MAZ: variants seen among roughly 807,000 people sequenced by gnomAD.
MAZ encodes myc-associated zinc finger protein.
Under a neutral mutation model 32.7 loss-of-function variants are expected in MAZ, and 4 were observed. That is an observed-to-expected ratio of 0.12 (90% CI 0.06 to 0.28). MAZ has a LOEUF of 0.28. Ranked by LOEUF, MAZ falls within the 10% of genes least tolerant of loss-of-function variation. MAZ has a pLI of 1.00. For missense variants in MAZ, 763 were observed against 667.2 expected, an observed-to-expected ratio of 1.14 and a Z score of -1.58; for synonymous variants, 510 against 297.6, an observed-to-expected ratio of 1.71 and a Z score of -7.35.
chr16:29,809,631 C>T (rs1033851903), intron 4 of MAZ: 2 of 1,608,428 alleles, frequency 1.2e-6, no homozygotes, highest in South Asian at 1.1e-5. Flanking sequence ...GCAAGCTGTG[C>T]AGCGTGCACT....
At chr16:29,806,189 T>TGCCGGG, upstream of MAZ, 3 of 561,068 alleles carry the variant, frequency 5.3e-6, no homozygotes, top group Non-Finnish European at 7.5e-6. Flanking sequence ...AGGTAACAAC[T>TGCCGGG]CCCTCCCCCC....
rs201150643 is a variant in MAZ at position 29,808,564 on chromosome 16, C to T, written c.1108-6C>T. Reference sequence around the variant, plus strand: ...GACACCCCCCACGCCCCTCCCCCCTCCTCAGAAATGTGAGGCAGCTTTCGC... The same window carrying T: ...GACACCCCCCACGCCCCTCCCCCCTTCTCAGAAATGTGAGGCAGCTTTCGC... On this transcript the variant is annotated splice_region_variant and splice_polypyrimidine_tract_variant and intron_variant, in intron 3 of 4. Transcript: ENST00000322945. The T allele has an allele frequency of 6.7e-5, 108 of 1,605,352 alleles. 1 individual carries two copies. The African/African-American group carries it at 1.1e-3, about 17-fold the overall frequency.
At position 29,810,669 on chromosome 16, in the gene MAZ, T is replaced by G; in HGVS notation, c.*438T>G. ...AGTTGGTGCTTTCTTTTCCTTTTTT[T>G]TTTTTTTCCAGGGGGAGGGAGGAGA... On this transcript the variant is annotated 3_prime_UTR_variant, in exon 5 of 5. Coordinates refer to ENST00000322945, the MANE Select transcript of MAZ (RefSeq NM_002383.4). 1.9e-6 allele frequency: 1 copy of G among 517,690 alleles called. No homozygotes were observed. The highest frequency in any genetic ancestry group is 2.0e-5 in the South Asian group (1 of 49,230). The allele number at this position is 517,690 out of a possible 1,614,324, so 32.1% of individuals were successfully genotyped here. A position where few individuals can be genotyped will look rare whatever the true frequency, so the allele number is the denominator to read the frequency against.
Position 29,807,331 on chromosome 16 carries a change from G to A in MAZ, c.546G>A (p.Lys182=), listed in dbSNP as rs200157828. The change falls in exon 2 of 5, where the codon AAG becomes AAA. Residue 182 remains lysine (K), a synonymous_variant. Coordinates refer to ENST00000322945, the MANE Select transcript of MAZ (RefSeq NM_002383.4). ...CCCCGGTCGCGTCTGCCTTGGAGAA[G>A]AAGACAAAGAGCAAGGGGCCCTACA... ...AVAPVASALE[K]KTKSKGPYIC... is the part of the protein sequence containing the mutation. The A allele has an allele frequency of 1.6e-5, 26 of 1,610,320 alleles. No individual in the cohort carries two copies. The Admixed American group carries it at 2.7e-4, about 17-fold the overall frequency.
rs369561384 is a variant in MAZ, at chr16:29,809,551, G to T, written c.1280-526G>T. On this transcript the variant is annotated intron_variant, in intron 4 of 4. Coordinates refer to ENST00000322945, the MANE Select transcript of MAZ (RefSeq NM_002383.4). ...CCACCCCCCAATAGGCTTCACCACG[G>T]CAGCATACCTGCGCATCCACGCGGT... 1.1e-5 allele frequency: 18 copies of T among 1,610,040 alleles called. No homozygotes were observed. In the African/African-American group the frequency reaches 2.4e-4, roughly 22 times the overall value.
chr16:29,808,061 G>T lies in MAZ; in HGVS notation c.1044-169G>T, dbSNP rs959588216. The T allele has an allele frequency of 6.1e-6, 6 of 982,738 alleles. No homozygotes were observed. The African/African-American group carries it at 9.8e-5, about 16-fold the overall frequency. The allele number at this position is 982,738 out of a possible 1,614,324, so 60.9% of individuals were successfully genotyped here. On this transcript the variant is annotated intron_variant, in intron 2 of 4. Coordinates refer to ENST00000322945, the MANE Select transcript of MAZ (RefSeq NM_002383.4). ...GCTTCGCGTGGGAGGAGGCGGCGGC[G>T]GCGGCAGCGGCTGCTGGGCTCCAGG...
At chr16:29,809,966 G>A in intron 4 of MAZ, 111 bp from the exon 5 acceptor site, 2 of 1,510,086 alleles carry the variant, frequency 1.3e-6, no homozygotes, top group Non-Finnish European at 8.9e-7. Flanking sequence ...GTCCAGATAG[G>A]AAGTGAGCAA....
chr16:29,808,077 G>GC (rs1567370240), intron 2 of MAZ, 153 bp from the exon 3 acceptor site: 1 of 960,890 alleles, frequency 1.0e-6, no homozygotes, highest in Admixed American at 2.4e-5. Flanking sequence ...AGCGGCTGCT[G>GC]GGCTCCAGGG....
chr16:29,810,579 C>T lies in MAZ; in HGVS notation c.*348C>T. ...CTTCCCAGGGACTTGTGAGCCTCTT[C>T]CCTCGACGGTCCTCTTCTCTCCTTC... On this transcript the variant is annotated 3_prime_UTR_variant, in exon 5 of 5. Coordinates refer to ENST00000322945, the MANE Select transcript of MAZ (RefSeq NM_002383.4). 2 of 694,802 alleles carry T rather than the reference C, an allele frequency of 2.9e-6. No individual in the cohort carries two copies. Among genetic ancestry groups the T allele is most frequent in the South Asian group, 1.5e-5 (1 of 66,560 alleles). 43.0% of individuals were successfully genotyped at this position (694,802 alleles called of 1,614,324 possible).
chr16:29,806,695 C>G lies in MAZ; in HGVS notation c.-7C>G. The G allele has an allele frequency of 8.1e-7, 1 of 1,230,636 alleles. No individual in the cohort carries two copies. Among genetic ancestry groups the G allele is most frequent in the East Asian group, 4.0e-5 (1 of 25,252 alleles). The allele number at this position is 1,230,636 out of a possible 1,614,324, so 76.2% of individuals were successfully genotyped here. A position where few individuals can be genotyped will look rare whatever the true frequency, so the allele number is the denominator to read the frequency against. ...TGAGCCCCGGGGGCCCCGCTGCGGC[C>G]GAGGCCATGTTCCCGGTGTTTCCTT... is the stretch of plus-strand genomic sequence containing the variant. On this transcript the variant is annotated 5_prime_UTR_variant, in exon 1 of 5. Coordinates refer to ENST00000322945, the MANE Select transcript of MAZ (RefSeq NM_002383.4).
rs760260462 is a variant in MAZ, at chr16:29,810,267, A to G, written c.*36A>G. 5.2e-6 allele frequency: 8 copies of G among 1,547,596 alleles called. No individual in the cohort carries two copies. In the African/African-American group the frequency reaches 9.6e-5, roughly 19 times the overall value. Reference sequence around the variant, plus strand: ...GGTTGCGGGGGAGAGGGGAGAATGGAGTAGAGTCCCTTGGTACAAGCTCCT... The same window carrying G: ...GGTTGCGGGGGAGAGGGGAGAATGGGGTAGAGTCCCTTGGTACAAGCTCCT... On this transcript the variant is annotated 3_prime_UTR_variant, in exon 5 of 5. Transcript: ENST00000322945.
chr16:29,807,813 G>A lies in MAZ; in HGVS notation c.1028G>A (p.Gly343Asp). Reference protein sequence around the residue: ...VHKPYNCSHCGKSFSRPDHLN... With the variant: ...VHKPYNCSHCDKSFSRPDHLN... ...AAGCCCTACAACTGCTCCCACTGTG[G>A]CAAGAGCTTCTCCCGGTGTGCACGG... The change falls in exon 2 of 5, where the codon GGC (glycine) becomes GAC (aspartate). Residue 343 changes from glycine to aspartate, a missense_variant. Gly to Asp is a moderately conservative substitution (Grantham distance 94). Transcript: ENST00000322945. 2 of 1,607,834 alleles carry A rather than the reference G, an allele frequency of 1.2e-6. No homozygotes were observed. The highest frequency in any genetic ancestry group is 1.3e-5 in the African/African-American group (1 of 75,044).
intron 3 of MAZ, 40 bp from the exon 4 acceptor site, chr16:29,808,530 C>A: frequency 3.0e-6 from 4 of 1,316,912 alleles, no homozygotes; most frequent in Non-Finnish European, 4.2e-6. Flanking sequence ...CAAGCTTTAA[C>A]TCTCCTGTGA....
chr16:29,808,389 T>C lies in MAZ; in HGVS notation c.1107+96T>C, dbSNP rs191579308. On this transcript the variant is annotated intron_variant, in intron 3 of 4. Transcript: ENST00000322945. ...TCTCAGACCCCCTTTTTCTCTCTCT[T>C]CTTTTTGCCTTTTTGCTCCATTTTC... is the stretch of plus-strand genomic sequence containing the variant. 3.1e-4 allele frequency: 407 copies of C among 1,309,214 alleles called. 3 individuals are homozygous for C. In the East Asian group the frequency reaches 8.7e-3, roughly 28 times the overall value. 81.1% of individuals were successfully genotyped at this position (1,309,214 alleles called of 1,614,324 possible).
chr16:29,808,048 A>AGGAGGC, intron 2 of MAZ, 182 bp from the exon 3 acceptor site: 3 of 1,030,060 alleles, frequency 2.9e-6, no homozygotes, highest in East Asian at 2.6e-5. Context: ...TTCGCGTGGG[A>AGGAGGC]GGAGGCGGCG....
intron 4 of MAZ, chr16:29,809,157 G>A (rs1046124074): frequency 6.1e-6 from 3 of 492,058 alleles, no homozygotes; most frequent in Non-Finnish European, 7.2e-6. Flanking sequence ...AGAGAAAGCT[G>A]CCTTCAGTCA....
At chr16:29,809,242 A>G (rs1187357500) in intron 4 of MAZ, 2 of 528,576 alleles carry the variant, frequency 3.8e-6, no homozygotes, top group Non-Finnish European at 6.7e-6. Context: ...CTGAGGGTCA[A>G]CCCTGCAAGT....
rs779951400 is a variant in MAZ, at chr16:29,807,088, CGCTGCCGCCGCT to C, written c.314_325del (p.Ala105_Ala108del). 1.5e-4 allele frequency: 147 copies of C among 990,172 alleles called. 1 individual carries two copies. Among genetic ancestry groups the C allele is most frequent in the South Asian group, 3.0e-4 (7 of 23,022 alleles). The allele number at this position is 990,172 out of a possible 1,614,324, so 61.3% of individuals were successfully genotyped here. ...AGGAGTCCGCCGCGGCTGCTGCGGC[CGCTGCCGCCGCT>C]GCTGCCGCCGTCGCTGCCGCGCCCC... On this transcript the variant is annotated inframe_deletion, in exon 2 of 5. Transcript: ENST00000322945.
Position 29,810,584 on chromosome 16 carries a change from G to C in MAZ, c.*353G>C. 1.4e-6 allele frequency: 1 copy of C among 693,434 alleles called. No individual in the cohort carries two copies. Among genetic ancestry groups the C allele is most frequent in the East Asian group, 2.7e-5 (1 of 36,778 alleles). 43.0% of individuals were successfully genotyped at this position (693,434 alleles called of 1,614,324 possible). A position where few individuals can be genotyped will look rare whatever the true frequency, so the allele number is the denominator to read the frequency against. On this transcript the variant is annotated 3_prime_UTR_variant, in exon 5 of 5. Coordinates refer to ENST00000322945, the MANE Select transcript of MAZ (RefSeq NM_002383.4). ...CAGGGACTTGTGAGCCTCTTCCCTC[G>C]ACGGTCCTCTTCTCTCCTTCCAGTC... is the stretch of plus-strand genomic sequence containing the variant.
Sources: allele counts gnomAD v4.1 joint callset, GRCh38; gene constraint gnomAD v4.1.1; transcripts MANE v1.5; gene names NCBI Gene and HGNC (gene_info 2026-07-23, HGNC 2026-07-21).